Variants in BAIAP2 observed in about 807,000 individuals in gnomAD.
BAIAP2 encodes the protein BAR/IMD domain containing adaptor protein 2.
A neutral mutation model predicts 63.0 loss-of-function variants in BAIAP2; 18 were observed. The observed-to-expected ratio is 0.29, with a 90% CI of 0.20 to 0.42. BAIAP2 has a LOEUF of 0.42. Ranked by LOEUF, BAIAP2 falls within the 10% of genes least tolerant of loss-of-function variation. The pLI, the probability that BAIAP2 is intolerant of heterozygous loss-of-function variation, is 1.00. For missense variants in BAIAP2, 610 were observed against 734.3 expected (o/e 0.83, Z 1.96); for synonymous variants, 386 against 307.6 (o/e 1.25, Z -2.67).
chr17:81,074,089 G>A (rs1190494139), intron 3 of BAIAP2, among the ~76,000 whole-genome samples: 4 of 152,248 alleles, frequency 2.6e-5, no homozygotes, highest in Admixed American at 1.3e-4. Context: ...CCATTCAGGA[G>A]CATGGTGTGT....
intron 3 of BAIAP2, among the ~76,000 whole-genome samples, chr17:81,073,641 G>A (rs947980742): frequency 3.3e-5 from 5 of 152,186 alleles, no homozygotes; most frequent in African/African-American, 1.2e-4. Context: ...GAGAGCATCC[G>A]AGGCCCAGGC....
At chr17:81,083,025 C>T (rs2054900371) in intron 3 of BAIAP2, 1 of 152,402 alleles carries the variant, frequency 6.6e-6, no homozygotes, top group Admixed American at 6.5e-5. Context: ...TGAGAAGAAC[C>T]CCGCAGCTCC....
chr17:81,094,887 T>C (rs1008230730), intron 6 of BAIAP2, among the ~76,000 whole-genome samples: 1 of 152,236 alleles, frequency 6.6e-6, no homozygotes, highest in Non-Finnish European at 1.5e-5. Flanking sequence ...ATTCATATGC[T>C]GCAGGGGACC....
At chr17:81,112,807 TAGGG>T (rs2060072339) in intron 13 of BAIAP2, among the ~76,000 whole-genome samples, 1 of 151,990 alleles carries the variant, frequency 6.6e-6, no homozygotes, top group Non-Finnish European at 1.5e-5. Flanking sequence ...TCCCAGCACT[TAGGG>T]AGGCTGAGGC....
chr17:81,071,284 G>A (rs1177886480), intron 3 of BAIAP2, among the ~76,000 whole-genome samples: 1 of 152,152 alleles, frequency 6.6e-6, no homozygotes, highest in African/African-American at 2.4e-5. Context: ...CACTGGATCT[G>A]GTCCCCTGGC....
At chr17:81,101,068 C>T (rs1254691650) in intron 7 of BAIAP2, among the ~76,000 whole-genome samples, 1 of 151,332 alleles carries the variant, frequency 6.6e-6, no homozygotes, top group Admixed American at 6.6e-5. Flanking sequence ...TCCTGCGGCC[C>T]TGTGTCTCCC....
At chr17:81,103,309 G>C (rs898188794) in intron 7 of BAIAP2, among the ~76,000 whole-genome samples, 193 bp from the exon 8 acceptor site, 4 of 152,204 alleles carry the variant, frequency 2.6e-5, no homozygotes, top group African/African-American at 9.7e-5. Context: ...GTCCATCCCC[G>C]GCCCTTTACC....
chr17:81,091,192 C>A (rs1353695665), intron 6 of BAIAP2, among the ~76,000 whole-genome samples: 3 of 136,870 alleles, frequency 2.2e-5, no homozygotes, highest in African/African-American at 8.2e-5. Context: ...TGTGGCCCCA[C>A]CCCACCCCAC....
intron 13 of BAIAP2, among the ~76,000 whole-genome samples, chr17:81,112,751 T>C (rs937271407): frequency 6.6e-6 from 1 of 152,222 alleles, no homozygotes; most frequent in African/African-American, 2.4e-5. Flanking sequence ...ATTCAAGTCA[T>C]TGGTGAAGCT....
chr17:81,097,917 C>T (rs1448834834), intron 6 of BAIAP2, among the ~76,000 whole-genome samples: 3 of 152,210 alleles, frequency 2.0e-5, no homozygotes, highest in Non-Finnish European at 4.4e-5. Flanking sequence ...AGTTTCCAGC[C>T]TACAAAACCG....
chr17:81,062,925 C>A (rs891334074), intron 3 of BAIAP2, among the ~76,000 whole-genome samples: 1 of 149,406 alleles, frequency 6.7e-6, no homozygotes, highest in Non-Finnish European at 1.5e-5. Flanking sequence ...CCCCCGCCCC[C>A]CCGCCGCCCC....
chr17:81,041,084 T>C (rs2047013446), intron 1 of BAIAP2, among the ~76,000 whole-genome samples: 1 of 152,240 alleles, frequency 6.6e-6, no homozygotes, highest in African/African-American at 2.4e-5. Context: ...CATCTGCCCC[T>C]GGTCTTTTTG....
chr17:81,082,508 C>T (rs956848994), intron 3 of BAIAP2, among the ~76,000 whole-genome samples: 2 of 152,230 alleles, frequency 1.3e-5, no homozygotes, highest in African/African-American at 4.8e-5. Flanking sequence ...CCCACCCCTG[C>T]CCTGCGGTGG....
At chr17:81,078,831 C>T (rs536596580) in intron 3 of BAIAP2, among the ~76,000 whole-genome samples, 15 of 152,206 alleles carry the variant, frequency 9.9e-5, no homozygotes, top group Middle Eastern at 3.4e-3. Context: ...TCTGGAAGCT[C>T]TCAGGGCTCC....
chr17:81,075,549 G>A (rs940514512), intron 3 of BAIAP2, among the ~76,000 whole-genome samples: 2 of 152,234 alleles, frequency 1.3e-5, no homozygotes, highest in Non-Finnish European at 2.9e-5. Context: ...ACTAGACGCG[G>A]CTGTGTCAGA....
chr17:81,090,593 A>G (rs777687414), intron 6 of BAIAP2, among the ~76,000 whole-genome samples: 15 of 152,250 alleles, frequency 9.9e-5, no homozygotes, highest in Non-Finnish European at 1.6e-4. Context: ...GGTGGGAAAC[A>G]GAGGGAGCCA....
chr17:81,094,561 CCTCT>C, intron 6 of BAIAP2, among the ~76,000 whole-genome samples: 1 of 152,160 alleles, frequency 6.6e-6, no homozygotes, highest in East Asian at 1.9e-4. Context: ...TGCGGCTTAC[CCTCT>C]GCTCAGCCCA....
chr17:81,107,308 C>T (rs8066254), intron 12 of BAIAP2: 9,017 of 188,538 alleles, frequency 0.048, 507 homozygotes, highest in African/African-American at 0.15. Flanking sequence ...ACGGGGCTCC[C>T]TCAGTCACAT....
In BAIAP2 at chr17:81,103,283, G is replaced by A. The variant is rs534338968; in HGVS notation, c.643-219G>A. Among the ~76,000 whole-genome samples, 104 of 152,346 alleles carry A rather than the reference G, an allele frequency of 6.8e-4. 1 individual carries two copies. In the South Asian group the frequency reaches 0.021, roughly 30 times the overall value. The stretch of plus-strand genomic sequence containing the variant: ...TTGCTCTCATCCCTGGAGGTCCCCC[G>A]ACTGCATGGCTTGTGGTCCATCCCC... On this transcript the variant is annotated intron_variant, in intron 7 of 13. Coordinates refer to ENST00000428708, the MANE Select transcript of BAIAP2 (RefSeq NM_001144888.2).
Sources: gnomAD v4.1 joint callset for allele counts (sites outside exome capture counted in the v4.1 genomes callset) on GRCh38, gnomAD v4.1.1 for gene constraint, MANE v1.5 for transcripts, NCBI Gene and HGNC (gene_info 2026-07-23, HGNC 2026-07-21) for gene names.